The following ATP2A2 variants were observed in gnomAD, a reference collection of about 807,000 sequenced individuals.
ATP2A2 encodes ATPase sarcoplasmic/endoplasmic reticulum Ca2+ transporting 2.
A neutral mutation model predicts 109.3 loss-of-function variants in ATP2A2; 14 were observed. The ratio of observed to expected loss-of-function variants is 0.13; its 90% CI spans 0.08 to 0.20. The LOEUF (loss-of-function observed/expected upper bound fraction) is 0.20, where lower values mean the gene tolerates loss of function less well. ATP2A2 is among the 10% of genes least tolerant of loss of function. The pLI is 1.00. For synonymous variants in ATP2A2, 506 were observed against 490.9 expected (o/e 1.03, Z -0.41); for missense variants, 657 against 1,321.6 (o/e 0.50, Z 7.80).
At chr12:110,299,700 G>A (rs560476743) in intron 5 of ATP2A2, among the ~76,000 whole-genome samples, 2 of 152,138 alleles carry the variant, frequency 1.3e-5, no homozygotes, top group East Asian at 1.9e-4. Context: ...GCTCACTGCA[G>A]CATTGACCTC....
chr12:110,337,006 C>CTGAG (rs910631137), intron 11 of ATP2A2, among the ~76,000 whole-genome samples: 4 of 152,178 alleles, frequency 2.6e-5, no homozygotes. Context: ...GACTACTCCA[C>CTGAG]TGAGTGATGG....
chr12:110,344,845 T>G (rs780293725), intron 16 of ATP2A2, 41 bp from the exon 17 acceptor site: 33 of 1,603,826 alleles, frequency 2.1e-5, no homozygotes, highest in Non-Finnish European at 2.8e-5. Context: ...CAGCGAGCCC[T>G]GCAGAGGCAA....
intron 5 of ATP2A2, among the ~76,000 whole-genome samples, chr12:110,298,919 G>T (rs1874255689): frequency 6.6e-6 from 1 of 152,050 alleles, no homozygotes; most frequent in African/African-American, 2.4e-5. Flanking sequence ...ATCAGAATTA[G>T]GAAATTGATG....
chr12:110,289,450 C>T lies in ATP2A2; in HGVS notation c.220-2570C>T, dbSNP rs145002488. 7.2e-3 allele frequency among the ~76,000 whole-genome samples: 1,089 copies of T among 152,274 alleles called. 28 individuals carry two copies. The highest frequency in any genetic ancestry group is 3.8e-3 in the Non-Finnish European group (257 of 68,026). On this transcript the variant is annotated intron_variant, in intron 3 of 19. Transcript: ENST00000539276. ...TAACACTAGAATGCCCTGTTGAAAG[C>T]ATACAGTAACATTTATTATACTCAT...
chr12:110,282,008 C>A, intron 1 of ATP2A2, 101 bp downstream of exon 1: 1 of 917,990 alleles, frequency 1.1e-6, no homozygotes. Context: ...TCCGCGCCCG[C>A]CGACAGCTGC....
intron 5 of ATP2A2, among the ~76,000 whole-genome samples, chr12:110,301,526 C>T: frequency 6.6e-6 from 1 of 152,128 alleles, no homozygotes; most frequent in Non-Finnish European, 1.5e-5. Context: ...CAGAACACAC[C>T]CAAGTTCGTG....
rs1368969014 is a variant in ATP2A2 at position 110,350,660 on chromosome 12, T to C, written c.*4190T>C. On this transcript the variant is annotated 3_prime_UTR_variant, in exon 20 of 20. Coordinates refer to ENST00000539276, the MANE Select transcript of ATP2A2 (RefSeq NM_170665.4). ...TGCAAAATGTCATAGCTTATATAAA[T>C]GTACAGTATTCAATTGTAATGCATG... The C allele has an allele frequency of 5.4e-6, 2 of 368,802 alleles. No homozygotes were observed. The highest frequency in any genetic ancestry group is 5.0e-6 in the Non-Finnish European group (1 of 198,828). The allele number at this position is 368,802 out of a possible 1,614,324, so 22.8% of individuals were successfully genotyped here.
At chr12:110,288,086 C>T (rs948224652) in intron 3 of ATP2A2, among the ~76,000 whole-genome samples, 1 of 150,320 alleles carries the variant, frequency 6.7e-6, no homozygotes, top group East Asian at 1.9e-4. Context: ...TAGGTGTGAG[C>T]CATCATGCTT....
rs1167559122 is a variant in ATP2A2, at chr12:110,342,727, T to C, written c.2318+279T>C. 6.6e-6 allele frequency among the ~76,000 whole-genome samples: 1 copy of C among 152,198 alleles called. No homozygotes were observed. The highest frequency in any genetic ancestry group is 1.5e-5 in the Non-Finnish European group (1 of 68,030). ...ACATGAAATTCTTGCCCTCCAAAAGTTGGCTTTATCTCAGTCAGCTTAATA... is the reference window on the plus strand; with the variant it reads ...ACATGAAATTCTTGCCCTCCAAAAGCTGGCTTTATCTCAGTCAGCTTAATA... On this transcript the variant is annotated intron_variant, in intron 15 of 19. Coordinates refer to ENST00000539276, the MANE Select transcript of ATP2A2 (RefSeq NM_170665.4). This position sits in a 1 kb window ranked among gnomAD's most constrained non-coding sequence, Gnocchi z 4.6.
chr12:110,298,719 CA>C (rs979548159), intron 5 of ATP2A2, among the ~76,000 whole-genome samples: 1 of 152,010 alleles, frequency 6.6e-6, no homozygotes. Flanking sequence ...GACTCCATCT[CA>C]AAAAAACAAA....
At position 110,349,982 on chromosome 12, in the gene ATP2A2, C is replaced by T; in HGVS notation, c.*3512C>T. Reference sequence around the variant, plus strand: ...GCACCACTAACCAAGACCTTGTCCTCTTGCCTGTCTCGCTGCTTTCACAGC... The same window carrying T: ...GCACCACTAACCAAGACCTTGTCCTTTTGCCTGTCTCGCTGCTTTCACAGC... On this transcript the variant is annotated 3_prime_UTR_variant, in exon 20 of 20. Coordinates refer to ENST00000539276, the MANE Select transcript of ATP2A2 (RefSeq NM_170665.4). The T allele has an allele frequency of 2.3e-6, 3 of 1,303,976 alleles. No individual in the cohort carries two copies. In the South Asian group the frequency reaches 4.9e-5, roughly 21 times the overall value. The allele number at this position is 1,303,976 out of a possible 1,614,324, so 80.8% of individuals were successfully genotyped here.
At chr12:110,332,711 AGGATCT>A (rs1444698117) in intron 9 of ATP2A2, 26 bp downstream of exon 9, 1 of 1,556,028 alleles carries the variant, frequency 6.4e-7, no homozygotes, top group Non-Finnish European at 8.9e-7. Context: ...CCTCATTTAA[AGGATCT>A]GGTGTGGCAG....
rs768999793 is a variant in ATP2A2 at position 110,332,587 on chromosome 12, C to G, written c.1096-10C>G. ...CCTTTTAAATACTCTGATGCGCTCT[C>G]CCCCTACAGATGTTCATTCTGGACA... On this transcript the variant is annotated splice_polypyrimidine_tract_variant and intron_variant, in intron 8 of 19. Coordinates refer to ENST00000539276, the MANE Select transcript of ATP2A2 (RefSeq NM_170665.4). 6.2e-7 allele frequency: 1 copy of G among 1,601,462 alleles called. No homozygotes were observed. Among genetic ancestry groups the G allele is most frequent in the South Asian group, 1.1e-5 (1 of 90,816 alleles).
At position 110,282,840 on chromosome 12, in the gene ATP2A2, G is replaced by A. The variant is rs373761924; in HGVS notation, c.219+45G>A. The A allele has an allele frequency of 2.8e-5, 41 of 1,469,462 alleles. No individual in the cohort carries two copies. The Admixed American group carries it at 3.2e-4, about 11-fold the overall frequency. 91.0% of individuals were successfully genotyped at this position (1,469,462 alleles called of 1,614,324 possible). A position where few individuals can be genotyped will look rare whatever the true frequency, so the allele number is the denominator to read the frequency against. ...TTTTCTTTCCCCCCAAAAGCTGAAA[G>A]TATTCCATAGATAAATCAGAAAACA... On this transcript the variant is annotated intron_variant, in intron 3 of 19. Coordinates refer to ENST00000539276, the MANE Select transcript of ATP2A2 (RefSeq NM_170665.4).
Position 110,349,112 on chromosome 12 carries a change from G to A in ATP2A2, c.*2642G>A. 1 of 985,474 alleles carries A rather than the reference G, an allele frequency of 1.0e-6. No individual in the cohort carries two copies. Among genetic ancestry groups the A allele is most frequent in the Non-Finnish European group, 1.2e-6 (1 of 829,972 alleles). 61.0% of individuals were successfully genotyped at this position (985,474 alleles called of 1,614,324 possible). A position where few individuals can be genotyped will look rare whatever the true frequency, so the allele number is the denominator to read the frequency against. On this transcript the variant is annotated 3_prime_UTR_variant, in exon 20 of 20. Transcript: ENST00000539276. ...CCACTTCCCTTGGTCCAGACAGCTG[G>A]GAGTGGGTTAGGCCCACTGCTGTTT... is the stretch of plus-strand genomic sequence containing the variant.
At chr12:110,288,293 A>G (rs1555276028) in intron 3 of ATP2A2, among the ~76,000 whole-genome samples, 1 of 151,442 alleles carries the variant, frequency 6.6e-6, no homozygotes, top group Non-Finnish European at 1.5e-5. Context: ...TTATACACAT[A>G]GGGTCTCACT....
rs975156612 is a variant in ATP2A2 at position 110,348,998 on chromosome 12, G to A, written c.*2528G>A. ...GCCTTTACAAAAAAAGTTGAGTAGTGTGTGGCCTGCTGTCGCACAGCCCCT... is the reference window on the plus strand; with the variant it reads ...GCCTTTACAAAAAAAGTTGAGTAGTATGTGGCCTGCTGTCGCACAGCCCCT... On this transcript the variant is annotated 3_prime_UTR_variant, in exon 20 of 20. Coordinates refer to ENST00000539276, the MANE Select transcript of ATP2A2 (RefSeq NM_170665.4). 6.1e-6 allele frequency: 6 copies of A among 985,368 alleles called. No individual in the cohort carries two copies. In the African/African-American group the frequency reaches 1.0e-4, roughly 17 times the overall value. 61.0% of individuals were successfully genotyped at this position (985,368 alleles called of 1,614,324 possible). A position where few individuals can be genotyped will look rare whatever the true frequency, so the allele number is the denominator to read the frequency against.
Position 110,327,323 on chromosome 12 carries a change from G to A in ATP2A2, c.631-230G>A, listed in dbSNP as rs1392453666. 6.6e-6 allele frequency among the ~76,000 whole-genome samples: 1 copy of A among 152,168 alleles called. No individual in the cohort carries two copies. The highest frequency in any genetic ancestry group is 2.4e-5 in the African/African-American group (1 of 41,434). On this transcript the variant is annotated intron_variant, in intron 7 of 19. Transcript: ENST00000539276. The surrounding 1 kb of genome is among the most constrained non-coding windows in gnomAD (Gnocchi z 4.4). ...ACTGCTTGAAGATGGTCTGCAAGCCGGGCTCAAATAGAAATCTAGGTGGGT... is the reference window on the plus strand; with the variant it reads ...ACTGCTTGAAGATGGTCTGCAAGCCAGGCTCAAATAGAAATCTAGGTGGGT...
At position 110,348,563 on chromosome 12, in the gene ATP2A2, G is replaced by A. The variant is rs528754128; in HGVS notation, c.*2093G>A. 3.7e-5 allele frequency: 36 copies of A among 985,508 alleles called. No individual in the cohort carries two copies. Among genetic ancestry groups the A allele is most frequent in the East Asian group, 2.3e-4 (2 of 8,812 alleles). 61.0% of individuals were successfully genotyped at this position (985,508 alleles called of 1,614,324 possible). ...GGGATGGAGGTGGAACCTGGAGACCGACTCTTAAAAGCACAGTCCGTGGTT... is the reference window on the plus strand; with the variant it reads ...GGGATGGAGGTGGAACCTGGAGACCAACTCTTAAAAGCACAGTCCGTGGTT... On this transcript the variant is annotated 3_prime_UTR_variant, in exon 20 of 20. Coordinates refer to ENST00000539276, the MANE Select transcript of ATP2A2 (RefSeq NM_170665.4).
Sources: gnomAD v4.1 joint callset for allele counts (sites outside exome capture counted in the v4.1 genomes callset) on GRCh38, gnomAD v4.1.1 for gene constraint, Gnocchi (gnomAD v3.1) non-coding constraint, MANE v1.5 for transcripts, NCBI Gene and HGNC (gene_info 2026-07-23, HGNC 2026-07-21) for gene names.